Variants in NAA15 observed in about 807,000 individuals in gnomAD.
NAA15 encodes N-alpha-acetyltransferase 15, NatA auxiliary subunit, also known as N-terminal acetyltransferase.
NAA15 carries 34 observed loss-of-function variants against 114.0 expected under a neutral mutation model. The observed-to-expected ratio is 0.30, with a 90% confidence interval of 0.23 to 0.40. The LOEUF is 0.40. NAA15 is among the 10% of genes least tolerant of loss of function. The pLI, the probability that NAA15 is intolerant of heterozygous loss-of-function variation, is 1.00. For missense variants in NAA15, 658 were observed against 1,004.5 expected (o/e 0.66, Z 4.66); for synonymous variants, 340 against 338.0 (o/e 1.01, Z -0.06).
chr4:139,341,593 C>CAAAAAAA (rs751688160), intron 4 of NAA15, among the ~76,000 whole-genome samples: 20 of 14,420 alleles, frequency 1.4e-3, no homozygotes, highest in East Asian at 7.4e-3. Context: ...AACTCTGTCT[C>CAAAAAAA]AAAAAAAAAA....
At chr4:139,386,535 TA>T (rs1748913780) in intron 19 of NAA15, 1 of 192,568 alleles carries the variant, frequency 5.2e-6, no homozygotes, top group Non-Finnish European at 1.1e-5. Context: ...CTAACATGTT[TA>T]AAATGTATTT....
chr4:139,340,527 G>GT (rs1327290619), intron 3 of NAA15, among the ~76,000 whole-genome samples: 1 of 151,990 alleles, frequency 6.6e-6, no homozygotes. Flanking sequence ...TAATAATATA[G>GT]TAACTGTTTA....
intron 1 of NAA15, among the ~76,000 whole-genome samples, chr4:139,320,728 G>T (rs1367378898): frequency 6.6e-6 from 1 of 151,972 alleles, no homozygotes; most frequent in East Asian, 1.9e-4. Flanking sequence ...ATCATGTTGG[G>T]CAGGCTGGTC....
chr4:139,343,017 T>C, intron 5 of NAA15, 57 bp downstream of exon 5: 1 of 1,468,768 alleles, frequency 6.8e-7, no homozygotes, highest in Non-Finnish European at 9.4e-7. Context: ...AAAAAAATAA[T>C]GTGCATAGTC....
intron 1 of NAA15, among the ~76,000 whole-genome samples, chr4:139,321,075 C>G (rs888293224): frequency 6.6e-6 from 1 of 151,994 alleles, no homozygotes; most frequent in Admixed American, 6.6e-5. Flanking sequence ...AAAGAACCAG[C>G]TTTTGATTTC....
chr4:139,387,637 A>G (rs1748945042), intron 19 of NAA15, among the ~76,000 whole-genome samples: 1 of 152,188 alleles, frequency 6.6e-6, no homozygotes, highest in Non-Finnish European at 1.5e-5. Flanking sequence ...TGCTTGCCTC[A>G]CCATAGTCCC....
chr4:139,312,148 CTA>C (rs1057089662), intron 1 of NAA15, among the ~76,000 whole-genome samples: 1 of 151,952 alleles, frequency 6.6e-6, no homozygotes, highest in African/African-American at 2.4e-5. Context: ...ATTTTGCTCT[CTA>C]TTTACAGGCA....
intron 1 of NAA15, among the ~76,000 whole-genome samples, chr4:139,307,362 G>A (rs1746058600): frequency 1.3e-5 from 2 of 152,244 alleles, no homozygotes; most frequent in South Asian, 2.1e-4. Context: ...TCCACCTCCC[G>A]GGCTCAAGCT....
intron 1 of NAA15, among the ~76,000 whole-genome samples, chr4:139,313,583 C>G (rs949496324): frequency 1.3e-5 from 2 of 150,306 alleles, no homozygotes; most frequent in African/African-American, 2.5e-5. Context: ...CTTTTGTTGC[C>G]GAAGCTGGAG....
At position 139,305,297 on chromosome 4, in the gene NAA15, T is replaced by C. The variant is rs560952873; in HGVS notation, c.54+3466T>C. Among the ~76,000 whole-genome samples, 25 of 152,330 alleles carry C rather than the reference T, an allele frequency of 1.6e-4. No individual in the cohort carries two copies. The South Asian group carries it at 4.3e-3, about 27-fold the overall frequency. The stretch of plus-strand genomic sequence containing the variant: ...TGAGAGAAATGTGGAAGTCACTAAA[T>C]GAAGGAAGAGTAAAGGAGCTAAAAT... On this transcript the variant is annotated intron_variant, in intron 1 of 19. Transcript: ENST00000296543.
chr4:139,307,616 G>A (rs1424149185), intron 1 of NAA15, among the ~76,000 whole-genome samples: 2 of 152,308 alleles, frequency 1.3e-5, no homozygotes, highest in South Asian at 2.1e-4. Flanking sequence ...TGCAACTGAG[G>A]AAATGAATTT....
intron 1 of NAA15, among the ~76,000 whole-genome samples, chr4:139,324,136 C>T (rs1045827024): frequency 6.6e-6 from 1 of 152,210 alleles, no homozygotes; most frequent in Non-Finnish European, 1.5e-5. Context: ...CCCACCTCCA[C>T]CTCCCAAAGT....
chr4:139,349,377 A>T lies in NAA15; in HGVS notation c.692-85A>T, dbSNP rs1021039128. On this transcript the variant is annotated intron_variant, in intron 6 of 19. Coordinates refer to ENST00000296543, the MANE Select transcript of NAA15 (RefSeq NM_057175.5). ...CAGCACTGATTTATAATGAGATTTT[A>T]AGAGAAATTTTGAGGAAAAGTTAAA... is the stretch of plus-strand genomic sequence containing the variant. The T allele has an allele frequency of 2.1e-5, 26 of 1,251,796 alleles. No homozygotes were observed. The African/African-American group carries it at 3.2e-4, about 16-fold the overall frequency. 77.5% of individuals were successfully genotyped at this position (1,251,796 alleles called of 1,614,324 possible).
In NAA15 at chr4:139,336,485, T is replaced by C. The variant is rs529856797; in HGVS notation, c.140-363T>C. 7.7e-4 allele frequency among the ~76,000 whole-genome samples: 118 copies of C among 152,268 alleles called. 2 individuals are homozygous for C. In the South Asian group the frequency reaches 0.024, roughly 31 times the overall value. On this transcript the variant is annotated intron_variant, in intron 2 of 19. Transcript: ENST00000296543. The stretch of plus-strand genomic sequence containing the variant: ...AGGTTCACAGAAATAAAGTATATTT[T>C]CAAGATAAAGTTTTTATATTTTAAT...
At chr4:139,384,192 T>C (rs1280718430) in intron 17 of NAA15, among the ~76,000 whole-genome samples, 3 of 152,172 alleles carry the variant, frequency 2.0e-5, no homozygotes, top group Non-Finnish European at 2.9e-5. Context: ...TTTTAATGTG[T>C]ATTGCTGGGC....
At chr4:139,349,437 T>A (rs780906112) in intron 6 of NAA15, 25 bp from the exon 7 acceptor site, 11 of 1,485,242 alleles carry the variant, frequency 7.4e-6, no homozygotes, top group African/African-American at 5.5e-5. Context: ...ATATTAAAAT[T>A]TTTTTTTTTT....
Position 139,315,051 on chromosome 4 carries a change from G to GTTTAGTTTAGTTTAGT in NAA15, c.54+13222_54+13223insTAGTTTAGTTTAGTTT, listed in dbSNP as rs56861357. On this transcript the variant is annotated intron_variant, in intron 1 of 19. Coordinates refer to ENST00000296543, the MANE Select transcript of NAA15 (RefSeq NM_057175.5). ...GTTAGGTTAGGTTAGGTTAGGTTAG[G>GTTTAGTTTAGTTTAGT]TTAGTTTAGTTTAGTTTAGTTTAGT... Among the ~76,000 whole-genome samples, 19 of 112,398 alleles carry GTTTAGTTTAGTTTAGT rather than the reference G, an allele frequency of 1.7e-4. 1 individual carries two copies. Among genetic ancestry groups the GTTTAGTTTAGTTTAGT allele is most frequent in the African/African-American group, 3.4e-4 (10 of 29,396 alleles). 73.7% of individuals were successfully genotyped at this position (112,398 alleles called of 152,430 possible). A position where few individuals can be genotyped will look rare whatever the true frequency, so the allele number is the denominator to read the frequency against.
chr4:139,334,092 A>T, intron 1 of NAA15, 82 bp from the exon 2 acceptor site: 1 of 818,452 alleles, frequency 1.2e-6, no homozygotes, highest in Admixed American at 2.5e-5. Flanking sequence ...GTTGTATTTA[A>T]CAGAGTAGAG....
intron 6 of NAA15, among the ~76,000 whole-genome samples, chr4:139,348,697 A>G (rs965136750): frequency 1.3e-4 from 20 of 152,214 alleles, no homozygotes; most frequent in African/African-American, 4.3e-4. Context: ...CTCTCTCTTC[A>G]TCTGGCTTGT....
Sources: gnomAD v4.1 joint callset for allele counts (sites outside exome capture counted in the v4.1 genomes callset) on GRCh38, gnomAD v4.1.1 for gene constraint, MANE v1.5 for transcripts, NCBI Gene and HGNC (gene_info 2026-07-23, HGNC 2026-07-21) for gene names.